FAM184B: variants seen among roughly 807,000 people sequenced by gnomAD.
The protein encoded by FAM184B is protein FAM184B.
FAM184B carries 111 observed loss-of-function variants against 135.9 expected under a neutral mutation model. The observed-to-expected ratio is 0.82, with a 90% CI of 0.70 to 0.96. The LOEUF (loss-of-function observed/expected upper bound fraction) is 0.96. Ranked by LOEUF, FAM184B falls within the 40% of genes least tolerant of loss-of-function variation. The pLI, the probability that FAM184B is intolerant of heterozygous loss-of-function variation, is 0.00. For synonymous variants in FAM184B, 552 were observed against 524.8 expected (o/e 1.05, Z -0.71); for missense variants, 1,375 against 1,323.9 (o/e 1.04, Z -0.60).
At chr4:17,694,979 G>A (rs887170607) in intron 5 of FAM184B, among the ~76,000 whole-genome samples, 1 of 139,636 alleles carries the variant, frequency 7.2e-6, no homozygotes, top group Admixed American at 7.7e-5. Context: ...ATCTGTGTGT[G>A]AGGTTTCCAG....
Position 17,664,593 on chromosome 4 carries a change from C to T in FAM184B, c.1663G>A (p.Glu555Lys), listed in dbSNP as rs1477797623. ...GEEYQDKLAA[E>K]EGTSSDEEER... Reference sequence around the variant, plus strand: ...TCTTCATCACTGCTGGTTCCTTCTTCAGCTGCTAACTTATCTTGATACTCC... The same window carrying T: ...TCTTCATCACTGCTGGTTCCTTCTTTAGCTGCTAACTTATCTTGATACTCC... The change falls in exon 8 of 18, where the codon GAA becomes AAA. Residue 555 changes from glutamate to lysine, a missense_variant. Glu to Lys is a moderately conservative substitution (Grantham distance 56, BLOSUM62 1). Transcript: ENST00000265018. The T allele has an allele frequency of 6.4e-7, 1 of 1,551,486 alleles. No homozygotes were observed. Among genetic ancestry groups the T allele is most frequent in the Non-Finnish European group, 8.7e-7 (1 of 1,146,930 alleles).
chr4:17,780,530 G>C (rs1018600518), intron 1 of FAM184B, among the ~76,000 whole-genome samples: 1 of 152,082 alleles, frequency 6.6e-6, no homozygotes, highest in Non-Finnish European at 1.5e-5. Flanking sequence ...GTCTGGGAAG[G>C]TTCAATCAGA....
intron 1 of FAM184B, among the ~76,000 whole-genome samples, chr4:17,760,029 C>A (rs1718510173): frequency 6.6e-6 from 1 of 151,294 alleles, no homozygotes; most frequent in South Asian, 2.1e-4. Context: ...GCTCTTTTCC[C>A]TGCATCATGC....
chr4:17,659,864 G>C, intron 9 of FAM184B, 94 bp downstream of exon 9: 1 of 1,461,468 alleles, frequency 6.8e-7, no homozygotes, highest in East Asian at 2.5e-5. Context: ...TCCCAGCTTG[G>C]ATGTGAATCA....
chr4:17,674,814 C>G (rs1121090), intron 7 of FAM184B, among the ~76,000 whole-genome samples: 80,708 of 152,052 alleles, frequency 0.53, 23,526 homozygotes, highest in East Asian at 0.82. Context: ...TTCTAAGAAG[C>G]AACTCCTCAT....
At chr4:17,680,506 A>C (rs1471024100) in intron 7 of FAM184B, among the ~76,000 whole-genome samples, 3 of 152,148 alleles carry the variant, frequency 2.0e-5, no homozygotes, top group African/African-American at 7.2e-5. Flanking sequence ...AACATTGTCC[A>C]TGTCTCTGAA....
intron 14 of FAM184B, among the ~76,000 whole-genome samples, chr4:17,638,146 T>A (rs1715202166): frequency 8.3e-6 from 1 of 120,558 alleles, no homozygotes; most frequent in East Asian, 2.1e-4. Flanking sequence ...TTTTTTTTTT[T>A]TTTTTTTTTT....
chr4:17,775,850 G>C (rs948770834), intron 1 of FAM184B, among the ~76,000 whole-genome samples: 3 of 152,162 alleles, frequency 2.0e-5, no homozygotes, highest in Non-Finnish European at 4.4e-5. Flanking sequence ...TCCAAGGGTG[G>C]GAGGCTGCAG....
At chr4:17,641,663 T>G (rs1715319731) in intron 13 of FAM184B, among the ~76,000 whole-genome samples, 1 of 122,184 alleles carries the variant, frequency 8.2e-6, no homozygotes, top group Non-Finnish European at 1.7e-5. Flanking sequence ...TTTTTTTTTT[T>G]TTTTTTTTGT....
chr4:17,636,869 C>T (rs768629771), intron 14 of FAM184B, among the ~76,000 whole-genome samples: 2 of 152,148 alleles, frequency 1.3e-5, no homozygotes, highest in African/African-American at 2.4e-5. Context: ...AGCAAAGGCC[C>T]CTGTGTGCAC....
intron 13 of FAM184B, among the ~76,000 whole-genome samples, chr4:17,640,766 A>G (rs1424393638): frequency 6.6e-6 from 1 of 152,182 alleles, no homozygotes; most frequent in Non-Finnish European, 1.5e-5. Context: ...TTGAATTTGT[A>G]TTAAAAGCTT....
chr4:17,708,698 T>TG (rs1717173528), intron 2 of FAM184B, among the ~76,000 whole-genome samples, 194 bp downstream of exon 2: 1 of 52,154 alleles, frequency 1.9e-5, no homozygotes, highest in African/African-American at 8.5e-5. Flanking sequence ...TATATATATA[T>TG]ATATATATAT....
intron 1 of FAM184B, among the ~76,000 whole-genome samples, chr4:17,759,153 G>A (rs985083354): frequency 6.6e-6 from 1 of 152,138 alleles, no homozygotes; most frequent in African/African-American, 2.4e-5. Flanking sequence ...TCAGGGGGCT[G>A]GCTTCTGTTT....
At chr4:17,728,560 G>A (rs1007024578) in intron 1 of FAM184B, among the ~76,000 whole-genome samples, 1 of 152,130 alleles carries the variant, frequency 6.6e-6, no homozygotes, top group South Asian at 2.1e-4. Flanking sequence ...AGTCAGTGTA[G>A]GTCCTGCAGT....
At position 17,666,668 on chromosome 4, in the gene FAM184B, C is replaced by T. The variant is rs112124741; in HGVS notation, c.1597-2009G>A. Among the ~76,000 whole-genome samples, 147 of 151,368 alleles carry T rather than the reference C, an allele frequency of 9.7e-4. 5 individuals carry two copies. The highest frequency in any genetic ancestry group is 3.4e-3 in the African/African-American group (139 of 41,250). ...CTGGACACCTTCTCTAAAATCTCAC[C>T]CCCCTCACTCTCTTTTCCTCACCTT... On this transcript the variant is annotated intron_variant, in intron 7 of 17. Coordinates refer to ENST00000265018, the MANE Select transcript of FAM184B (RefSeq NM_015688.2).
intron 8 of FAM184B, among the ~76,000 whole-genome samples, chr4:17,661,241 G>A (rs1010602459): frequency 6.6e-6 from 1 of 152,168 alleles, no homozygotes; most frequent in Non-Finnish European, 1.5e-5. Flanking sequence ...CTGGCACATA[G>A]TAAGAATTAC....
chr4:17,759,136 C>G (rs978661805), intron 1 of FAM184B, among the ~76,000 whole-genome samples: 1 of 152,134 alleles, frequency 6.6e-6, no homozygotes, highest in African/African-American at 2.4e-5. Flanking sequence ...ATACATCTTG[C>G]CGGTTCTCAG....
intron 5 of FAM184B, among the ~76,000 whole-genome samples, chr4:17,695,243 C>G (rs6832414): frequency 0.61 from 92,577 of 151,344 alleles, 28,890 homozygotes; most frequent in East Asian, 0.93. Context: ...GCTCACTGCA[C>G]CCTTGACCAC....
chr4:17,679,579 A>T (rs1006689636), intron 7 of FAM184B, among the ~76,000 whole-genome samples: 1 of 152,222 alleles, frequency 6.6e-6, no homozygotes, highest in Non-Finnish European at 1.5e-5. Flanking sequence ...GAAAATGTAA[A>T]CTAGTATAAC....
Sources: allele counts gnomAD v4.1 joint callset (sites outside exome capture counted in the v4.1 genomes callset), GRCh38; gene constraint gnomAD v4.1.1; transcripts MANE v1.5; gene names NCBI Gene and HGNC (gene_info 2026-07-23, HGNC 2026-07-21).